CTNNA2: variants seen among roughly 807,000 people sequenced by gnomAD.
The protein encoded by CTNNA2 is catenin alpha-2.
A neutral mutation model predicts 101.0 loss-of-function variants in CTNNA2; 42 were observed. The ratio of observed to expected loss-of-function variants is 0.42; its 90% CI spans 0.32 to 0.54. The LOEUF (loss-of-function observed/expected upper bound fraction) is 0.54, where lower values mean the gene tolerates loss of function less well. Ranked by LOEUF, CTNNA2 falls within the 20% of genes least tolerant of loss-of-function variation. The pLI is 0.14. For synonymous variants in CTNNA2, 450 were observed against 456.4 expected (o/e 0.99, Z 0.18); for missense variants, 871 against 1,223.1 (o/e 0.71, Z 4.29).
At chr2:80,533,661 A>T (rs1031378871) in intron 9 of CTNNA2, among the ~76,000 whole-genome samples, 1 of 152,150 alleles carries the variant, frequency 6.6e-6, no homozygotes, top group Non-Finnish European at 1.5e-5. Flanking sequence ...TCCTGCTAAT[A>T]TGCAGCCCAC....
chr2:79,423,724 C>A (rs1224155749), intron 4 of CTNNA2, among the ~76,000 whole-genome samples: 1 of 152,160 alleles, frequency 6.6e-6, no homozygotes, highest in East Asian at 1.9e-4. Context: ...AAAGGGATGG[C>A]TTTCAACTTA....
chr2:80,033,452 A>G (rs112951848), intron 7 of CTNNA2, among the ~76,000 whole-genome samples: 1,651 of 152,154 alleles, frequency 0.011, 30 homozygotes, highest in African/African-American at 0.038. Flanking sequence ...ATGCACCTGT[A>G]GGCCCAGCTA....
At chr2:80,133,207 C>G (rs1310347696) in intron 7 of CTNNA2, among the ~76,000 whole-genome samples, 2 of 152,080 alleles carry the variant, frequency 1.3e-5, no homozygotes, top group Non-Finnish European at 2.9e-5. Context: ...GTTATGCTGC[C>G]ACAAGCCAAG....
At chr2:80,256,839 T>C (rs1672202940) in intron 7 of CTNNA2, among the ~76,000 whole-genome samples, 1 of 152,162 alleles carries the variant, frequency 6.6e-6, no homozygotes, top group Non-Finnish European at 1.5e-5. Flanking sequence ...CAACAAGAAC[T>C]ATTAATACAT....
At chr2:79,303,516 C>T (rs1315218860) in intron 2 of CTNNA2, among the ~76,000 whole-genome samples, 2 of 152,044 alleles carry the variant, frequency 1.3e-5, no homozygotes, top group African/African-American at 4.8e-5. Flanking sequence ...TGGTGGACAA[C>T]CTAATGTCTA....
chr2:79,185,672 T>A (rs1056311233), intron 1 of CTNNA2: 8 of 152,156 alleles, frequency 5.3e-5, no homozygotes, highest in African/African-American at 1.7e-4. Flanking sequence ...TCATGGGTGC[T>A]CCAAATACTA....
intron 7 of CTNNA2, among the ~76,000 whole-genome samples, chr2:79,919,345 T>A (rs768115856): frequency 7.9e-5 from 12 of 152,182 alleles, no homozygotes; most frequent in Non-Finnish European, 1.2e-4. Context: ...GAAATAAAAA[T>A]CTGCCTCAAC....
At chr2:79,541,826 C>G (rs1394471440) in intron 1 of CTNNA2, among the ~76,000 whole-genome samples, 3 of 151,956 alleles carry the variant, frequency 2.0e-5, no homozygotes, top group Non-Finnish European at 1.5e-5. Context: ...GGGGTTTCAC[C>G]ATGTTGTCCA....
intron 3 of CTNNA2, among the ~76,000 whole-genome samples, chr2:79,749,869 A>G (rs1290794519): frequency 2.0e-5 from 3 of 152,238 alleles, no homozygotes; most frequent in Admixed American, 2.0e-4. Flanking sequence ...TTTATTAATT[A>G]TAATTTATTA....
At chr2:79,890,802 A>C (rs1252121756) in intron 6 of CTNNA2, among the ~76,000 whole-genome samples, 2 of 143,818 alleles carry the variant, frequency 1.4e-5, no homozygotes, top group African/African-American at 2.6e-5. Flanking sequence ...ATGGTTTTGG[A>C]GGCCAGGGAG....
At chr2:80,623,740 AC>A (rs1005393510) in intron 18 of CTNNA2, among the ~76,000 whole-genome samples, 1 of 151,692 alleles carries the variant, frequency 6.6e-6, no homozygotes, top group Non-Finnish European at 1.5e-5. Flanking sequence ...GTAATTAACT[AC>A]CCCATCCCAC....
At chr2:79,467,334 G>A (rs1220593207) in intron 4 of CTNNA2, among the ~76,000 whole-genome samples, 1 of 152,074 alleles carries the variant, frequency 6.6e-6, no homozygotes, top group Non-Finnish European at 1.5e-5. Context: ...AGAAAAAAGA[G>A]AAAAAAGAAA....
intron 7 of CTNNA2, among the ~76,000 whole-genome samples, chr2:80,102,656 G>A (rs1397007060): frequency 6.6e-6 from 1 of 152,054 alleles, no homozygotes; most frequent in Non-Finnish European, 1.5e-5. Flanking sequence ...GGGACTACAG[G>A]CATGCACCAC....
At chr2:80,532,079 G>A (rs1690592105) in intron 9 of CTNNA2, among the ~76,000 whole-genome samples, 1 of 152,086 alleles carries the variant, frequency 6.6e-6, no homozygotes, top group Non-Finnish European at 1.5e-5. Flanking sequence ...GGTGGTCAGA[G>A]GAAGAAAAGA....
chr2:79,391,375 T>G lies in CTNNA2; in HGVS notation c.-135+17362T>G, dbSNP rs539994725. Reference sequence around the variant, plus strand: ...TAATGGATAGTAAATATATTTTCTTTCTTTATTTTCTTAATAGCAGTTTGT... The same window carrying G: ...TAATGGATAGTAAATATATTTTCTTGCTTTATTTTCTTAATAGCAGTTTGT... On this transcript the variant is annotated intron_variant, in intron 4 of 21. Transcript: ENST00000466387. Among the ~76,000 whole-genome samples the G allele has an allele frequency of 2.0e-4, 30 of 152,326 alleles. No homozygotes were observed. The East Asian group carries it at 5.4e-3, about 27-fold the overall frequency.
In CTNNA2 at chr2:80,098,660, C is replaced by G. The variant is rs1329387321; in HGVS notation, c.1056+188863C>G. 2.0e-5 allele frequency among the ~76,000 whole-genome samples: 3 copies of G among 152,210 alleles called. No individual in the cohort carries two copies. In the South Asian group the frequency reaches 6.2e-4, roughly 32 times the overall value. On this transcript the variant is annotated intron_variant, in intron 7 of 18. Transcript: ENST00000402739. ...GAGCTGTGGTGGGGTCCACCCAGTT[C>G]GAGCTTCCTAGCCGCTTTGTTTACC...
At chr2:80,192,244 A>G (rs1050358533) in intron 7 of CTNNA2, among the ~76,000 whole-genome samples, 1 of 152,234 alleles carries the variant, frequency 6.6e-6, no homozygotes, top group African/African-American at 2.4e-5. Flanking sequence ...TATCAAATGT[A>G]ATCTAACTAC....
chr2:79,825,458 T>G (rs1678360460), intron 3 of CTNNA2, among the ~76,000 whole-genome samples: 1 of 151,496 alleles, frequency 6.6e-6, no homozygotes, highest in Admixed American at 6.6e-5. Flanking sequence ...ATATGGAGGT[T>G]GCGAGGGGAA....
chr2:79,862,806 T>A (rs1433660092), intron 4 of CTNNA2, among the ~76,000 whole-genome samples: 1 of 152,246 alleles, frequency 6.6e-6, no homozygotes, highest in Middle Eastern at 3.2e-3. Flanking sequence ...TGCATATTGC[T>A]GTAGTCTCAC....
Sources: allele counts gnomAD v4.1 joint callset (sites outside exome capture counted in the v4.1 genomes callset), GRCh38; gene constraint gnomAD v4.1.1; transcripts MANE v1.5; gene names NCBI Gene and HGNC (gene_info 2026-07-23, HGNC 2026-07-21).